Variants in JMJD1C observed in about 807,000 individuals in gnomAD.
JMJD1C encodes the protein jumonji domain containing 1C.
A neutral mutation model predicts 245.3 loss-of-function variants in JMJD1C; 31 were observed. That is an observed-to-expected ratio of 0.13 (90% CI 0.09 to 0.17). JMJD1C has a LOEUF of 0.17. Among genes scored for constraint, JMJD1C ranks in the 10% least tolerant of loss-of-function variants. The pLI, the probability that JMJD1C is intolerant of heterozygous loss-of-function variation, is 1.00. For missense variants in JMJD1C, 2,691 were observed against 3,000.2 expected, an observed-to-expected ratio of 0.90 and a Z score of 2.41; for synonymous variants, 1,057 against 1,017.4, an observed-to-expected ratio of 1.04 and a Z score of -0.74.
chr10:63,382,777 C>A, intron 1 of JMJD1C: 2 of 455,844 alleles, frequency 4.4e-6, no homozygotes, highest in Admixed American at 2.3e-5. Context: ...CCTAATTCTG[C>A]CACCCATCTT....
At position 63,208,451 on chromosome 10, in the gene JMJD1C, G is replaced by A. The variant is rs767714715; in HGVS notation, c.3218C>T (p.Ser1073Leu). Residue 1073 changes from serine (S) to leucine (L), a missense_variant, in exon 10 of 26, where the codon TCA becomes TTA. Physicochemically the swap from Ser to Leu is moderately radical, Grantham distance 145. This residue lies in a region of JMJD1C where 1,562 missense variants were observed against 1,490.7 expected (regional missense o/e 1.05). Coordinates refer to ENST00000399262, the MANE Select transcript of JMJD1C (RefSeq NM_032776.3). ...IIKQDMDVER[S>L]VSDLYKMKHS... ...CTTCATTTTATAAAGATCTGATACT[G>A]AGCGTTCTACATCCATATCTTGTTT... The A allele has an allele frequency of 1.9e-6, 3 of 1,613,844 alleles. No homozygotes were observed. Among genetic ancestry groups the A allele is most frequent in the African/African-American group, 2.7e-5 (2 of 74,894 alleles).
At chr10:63,176,798 A>ATTTTTTTTTT (rs10577726) in intron 23 of JMJD1C, 1 of 135,340 alleles carries the variant, frequency 7.4e-6, no homozygotes, top group Non-Finnish European at 1.5e-5. Flanking sequence ...GGAACAGGGT[A>ATTTTTTTTTT]TTTTTTTTTT....
chr10:63,183,616 T>C (rs1473930436), intron 21 of JMJD1C, 47 bp from the exon 22 acceptor site: 1 of 1,128,902 alleles, frequency 8.9e-7, no homozygotes. Flanking sequence ...TATATATATG[T>C]AATAGCATAA....
intron 2 of JMJD1C, among the ~76,000 whole-genome samples, chr10:63,268,447 A>G (rs1855892494): frequency 6.6e-6 from 1 of 152,220 alleles, no homozygotes; most frequent in African/African-American, 2.4e-5. Flanking sequence ...ATAATACTTT[A>G]AACAATTAAA....
In JMJD1C at chr10:63,189,228, A is replaced by C; in HGVS notation, c.6510T>G (p.Leu2170=). Residue 2170 remains leucine, a synonymous_variant, in exon 18 of 26, where the codon CTT becomes CTG. Transcript: ENST00000399262. ...SWICEKHILW[L]KDYKNSSNWK... is the part of the protein sequence containing the mutation. ...AATTACTGCTATTCTTATAATCCTTAAGCCATAAAATATGCTTCTCACAGA... is the reference window on the plus strand; with the variant it reads ...AATTACTGCTATTCTTATAATCCTTCAGCCATAAAATATGCTTCTCACAGA... 1 of 1,613,356 alleles carries C rather than the reference A, an allele frequency of 6.2e-7. No homozygotes were observed. The highest frequency in any genetic ancestry group is 8.5e-7 in the Non-Finnish European group (1 of 1,179,562).
chr10:63,274,152 G>T (rs778579864), intron 2 of JMJD1C, among the ~76,000 whole-genome samples: 1 of 152,128 alleles, frequency 6.6e-6, no homozygotes, highest in Non-Finnish European at 1.5e-5. Context: ...AACTTGACTG[G>T]CCTTACAAGA....
chr10:63,407,385 C>T (rs1369891374), intron 1 of JMJD1C, among the ~76,000 whole-genome samples: 1 of 152,196 alleles, frequency 6.6e-6, no homozygotes, highest in Admixed American at 6.5e-5. Context: ...CCTCAGTCTT[C>T]TTTCCTCATA....
chr10:63,170,000 C>T (rs952979170), intron 24 of JMJD1C, among the ~76,000 whole-genome samples: 4 of 152,276 alleles, frequency 2.6e-5, no homozygotes, highest in African/African-American at 9.6e-5. Flanking sequence ...AATGCCCTCT[C>T]TCCTTATGTC....
intron 1 of JMJD1C, among the ~76,000 whole-genome samples, chr10:63,458,459 G>A (rs1437713139): frequency 3.3e-5 from 5 of 151,590 alleles, no homozygotes; most frequent in Non-Finnish European, 7.4e-5. Flanking sequence ...TACTCCGCCT[G>A]GGCAACAGAG....
chr10:63,265,284 GCA>G (rs1242774701), intron 2 of JMJD1C, among the ~76,000 whole-genome samples: 1 of 117,790 alleles, frequency 8.5e-6, no homozygotes, highest in Non-Finnish European at 1.7e-5. Context: ...CCTGCACCAA[GCA>G]CAGATAAAAA....
intron 1 of JMJD1C, among the ~76,000 whole-genome samples, chr10:63,475,754 G>A (rs1390828644): frequency 6.6e-6 from 1 of 152,156 alleles, no homozygotes; most frequent in Non-Finnish European, 1.5e-5. Flanking sequence ...ACCTAAGTAA[G>A]AGCATTCGAC....
chr10:63,490,702 C>A (rs560238146), intron 1 of JMJD1C, among the ~76,000 whole-genome samples: 14 of 152,308 alleles, frequency 9.2e-5, no homozygotes, highest in Non-Finnish European at 2.1e-4. Context: ...GCGTGAGCCA[C>A]CGCACCCAGC....
chr10:63,465,332 G>A (rs879940852), intron 1 of JMJD1C, 163 bp downstream of exon 1: 11 of 713,482 alleles, frequency 1.5e-5, no homozygotes, highest in African/African-American at 3.6e-5. Context: ...GAGACGCAGG[G>A]ACCCAGGCAA....
intron 2 of JMJD1C, among the ~76,000 whole-genome samples, chr10:63,285,651 T>C (rs189542042): frequency 9.2e-4 from 140 of 152,088 alleles, no homozygotes; most frequent in African/African-American, 3.3e-3. Flanking sequence ...CTACAAAAAA[T>C]ATAAAAATTA....
intron 1 of JMJD1C, among the ~76,000 whole-genome samples, chr10:63,490,323 C>A (rs67309326): frequency 0.083 from 12,619 of 152,152 alleles, 1,087 homozygotes; most frequent in African/African-American, 0.22. Context: ...TTCATGGACA[C>A]CCTCACAGAA....
In JMJD1C at chr10:63,208,462, A is replaced by C. The variant is rs1461358577; in HGVS notation, c.3207T>G (p.Asp1069Glu). The change falls in exon 10 of 26, where the codon GAT (aspartate) becomes GAG (glutamate). Residue 1069 changes from aspartate to glutamate, a missense_variant. Physicochemically the swap from Asp to Glu is conservative, Grantham distance 45. Coordinates refer to ENST00000399262, the MANE Select transcript of JMJD1C (RefSeq NM_032776.3). ...PKSHIIKQDM[D>E]VERSVSDLYK... ...AAAGATCTGATACTGAGCGTTCTACATCCATATCTTGTTTGATGATATGGC... is the reference window on the plus strand; with the variant it reads ...AAAGATCTGATACTGAGCGTTCTACCTCCATATCTTGTTTGATGATATGGC... 3.7e-6 allele frequency: 6 copies of C among 1,614,034 alleles called. No individual in the cohort carries two copies. The highest frequency in any genetic ancestry group is 1.1e-5 in the South Asian group (1 of 91,074).
intron 1 of JMJD1C, among the ~76,000 whole-genome samples, chr10:63,490,417 AT>A (rs113478578): frequency 0.26 from 30,757 of 118,454 alleles, 4,178 homozygotes; most frequent in Non-Finnish European, 0.34. Flanking sequence ...TTATTTATTT[AT>A]TTTATTTTTT....
At chr10:63,381,891 G>C (rs948739720) in intron 1 of JMJD1C, among the ~76,000 whole-genome samples, 3 of 152,224 alleles carry the variant, frequency 2.0e-5, no homozygotes, top group South Asian at 2.1e-4. Flanking sequence ...GATGACTCTA[G>C]AAGGAGAGGT....
intron 3 of JMJD1C, among the ~76,000 whole-genome samples, chr10:63,238,552 T>C (rs1487960069): frequency 6.6e-6 from 1 of 152,242 alleles, no homozygotes; most frequent in Non-Finnish European, 1.5e-5. Context: ...CATGGTTATC[T>C]TTATATTATG....
Sources: allele counts gnomAD v4.1 joint callset (sites outside exome capture counted in the v4.1 genomes callset), GRCh38; gene constraint gnomAD v4.1.1; regional missense constraint gnomAD v4.1.1; transcripts MANE v1.5; gene names NCBI Gene and HGNC (gene_info 2026-07-23, HGNC 2026-07-21).